CAPN15: variants seen among roughly 807,000 people sequenced by gnomAD.
The protein encoded by CAPN15 is calpain 15, also known as calpain-15.
A neutral mutation model predicts 97.9 loss-of-function variants in CAPN15; 53 were observed. The ratio of observed to expected loss-of-function variants is 0.54; its 90% CI spans 0.43 to 0.68. CAPN15 has a LOEUF of 0.68. Among genes scored for constraint, CAPN15 ranks in the 30% least tolerant of loss-of-function variants. CAPN15 has a pLI of 0.00. For synonymous variants in CAPN15, 922 were observed against 722.5 expected, an observed-to-expected ratio of 1.28 and a Z score of -4.43; for missense variants, 1,592 against 1,589.8, an observed-to-expected ratio of 1.00 and a Z score of -0.02.
chr16:553,032 C>T lies in CAPN15; in HGVS notation c.3074C>T (p.Pro1025Leu). ...GSLRTQDSVP[P>L]LHRQVLVILS... is the part of the protein sequence containing the mutation. The stretch of plus-strand genomic sequence containing the variant: ...CTGCGTACCCAGGATAGCGTGCCAC[C>T]CCTGCACAGGTGCGCCCCCGCCCCT... Residue 1025 changes from proline to leucine, a missense_variant, in exon 13 of 14, where the codon CCC becomes CTC. Transcript: ENST00000219611. 1 of 1,569,048 alleles carries T rather than the reference C, an allele frequency of 6.4e-7. No individual in the cohort carries two copies. The highest frequency in any genetic ancestry group is 8.7e-7 in the Non-Finnish European group (1 of 1,149,408).
intron 1 of CAPN15, among the ~76,000 whole-genome samples, chr16:531,930 CT>C (rs1402106459): frequency 2.6e-5 from 4 of 152,276 alleles, no homozygotes; most frequent in Non-Finnish European, 4.4e-5. Context: ...TTGTCTGGTC[CT>C]TTTTTCCTGT....
chr16:546,803 A>G lies in CAPN15; in HGVS notation c.-22-14A>G, dbSNP rs769573778. The G allele has an allele frequency of 3.2e-6, 5 of 1,566,730 alleles. No individual in the cohort carries two copies. Among genetic ancestry groups the G allele is most frequent in the Non-Finnish European group, 4.3e-6 (5 of 1,153,968 alleles). Reference sequence around the variant, plus strand: ...ACCTCACAGGGTGGCCCTGATGAGCACCTTCCCTTGCAGCCACACCCACTC... The same window carrying G: ...ACCTCACAGGGTGGCCCTGATGAGCGCCTTCCCTTGCAGCCACACCCACTC... On this transcript the variant is annotated splice_polypyrimidine_tract_variant and intron_variant, in intron 3 of 13. Transcript: ENST00000219611.
chr16:544,618 G>C (rs117298037), intron 3 of CAPN15, among the ~76,000 whole-genome samples: 1 of 151,932 alleles, frequency 6.6e-6, no homozygotes, highest in Non-Finnish European at 1.5e-5. Flanking sequence ...CGGGTCTTTT[G>C]TGCTGGATTT....
chr16:548,055 C>G lies in CAPN15; in HGVS notation c.1217C>G (p.Ala406Gly). ...CGRVSSAQKAARVLPERPGQW... is the reference protein window; with the variant it reads ...CGRVSSAQKAGRVLPERPGQW... ...CGGGTGTCCTCGGCCCAGAAGGCCG[C>G]CCGCGTCCTGCCCGAGCGCCCGGGC... Residue 406 changes from alanine (A) to glycine (G), a missense_variant, in exon 4 of 14, where the codon GCC (alanine) becomes GGC (glycine). Transcript: ENST00000219611. The G allele has an allele frequency of 6.4e-7, 1 of 1,551,246 alleles. No homozygotes were observed. The highest frequency in any genetic ancestry group is 1.2e-5 in the South Asian group (1 of 84,628).
intron 1 of CAPN15, 50 bp from the exon 2 acceptor site, chr16:533,896 A>C (rs2033458406): frequency 6.4e-6 from 6 of 930,730 alleles, no homozygotes; most frequent in Non-Finnish European, 5.1e-6. Flanking sequence ...CCAGGGTCAG[A>C]GTCCTCCTGG....
rs1280349044 is a variant in CAPN15, at chr16:547,877, G to A, written c.1039G>A (p.Ala347Thr). Reference protein sequence around the residue: ...SSPDFTTWSCAKCTLRNPTVA... With the variant: ...SSPDFTTWSCTKCTLRNPTVA... ...CCCCGACTTCACCACCTGGTCATGT[G>A]CCAAGTGCACGCTCAGAAACCCCAC... is the stretch of plus-strand genomic sequence containing the variant. The change falls in exon 4 of 14, where the codon GCC becomes ACC. Residue 347 changes from alanine to threonine, a missense_variant. Coordinates refer to ENST00000219611, the MANE Select transcript of CAPN15 (RefSeq NM_005632.3). 6.2e-7 allele frequency: 1 copy of A among 1,611,354 alleles called. No individual in the cohort carries two copies. The highest frequency in any genetic ancestry group is 1.7e-5 in the Admixed American group (1 of 59,890).
At chr16:540,036 T>G in intron 3 of CAPN15, 11 of 957,282 alleles carry the variant, frequency 1.1e-5, no homozygotes, top group Non-Finnish European at 1.4e-5. Context: ...ATCATGCTGT[T>G]TCTTCTCTAT....
rs547526059 is a variant in CAPN15 at position 537,311 on chromosome 16, C to T, written c.-23+1169C>T. The T allele has an allele frequency of 4.8e-5, 47 of 985,570 alleles. No individual in the cohort carries two copies. In the South Asian group the frequency reaches 2.1e-3, roughly 44 times the overall value. The allele number at this position is 985,570 out of a possible 1,614,324, so 61.1% of individuals were successfully genotyped here. On this transcript the variant is annotated intron_variant, in intron 3 of 13. Coordinates refer to ENST00000219611, the MANE Select transcript of CAPN15 (RefSeq NM_005632.3). ...GAGCAGGAGGCTGGTGAGCAGCTCGCTTCCTGCCCTGGGTGCAGCTGGGCA... is the reference window on the plus strand; with the variant it reads ...GAGCAGGAGGCTGGTGAGCAGCTCGTTTCCTGCCCTGGGTGCAGCTGGGCA...
intron 3 of CAPN15, chr16:543,310 G>C (rs777223639): frequency 1.3e-5 from 2 of 154,508 alleles, no homozygotes; most frequent in South Asian, 4.1e-4. Flanking sequence ...CGGCAGCCTC[G>C]GGCCACACTC....
intron 7 of CAPN15, among the ~76,000 whole-genome samples, 189 bp from the exon 8 acceptor site, chr16:551,113 C>T (rs550037564): frequency 1.4e-4 from 16 of 115,892 alleles, no homozygotes; most frequent in East Asian, 5.1e-4. Flanking sequence ...GGTCCCCGGT[C>T]GGTGAGGGCC....
Position 548,295 on chromosome 16 carries a change from G to GC in CAPN15, c.1449+13dup. On this transcript the variant is annotated intron_variant, in intron 4 of 13. Transcript: ENST00000219611. ...GTGGCCTTCTGCCGGGAGGTGAGGC[G>GC]CCCCCTCGCCCTCTTCCTGCTCCTG... 1 of 1,462,984 alleles carries GC rather than the reference G, an allele frequency of 6.8e-7. No individual in the cohort carries two copies. The highest frequency in any genetic ancestry group is 1.4e-5 in the South Asian group (1 of 71,416). 90.6% of individuals were successfully genotyped at this position (1,462,984 alleles called of 1,614,324 possible).
intron 2 of CAPN15, among the ~76,000 whole-genome samples, chr16:534,836 G>T (rs547016181): frequency 1.2e-4 from 18 of 152,330 alleles, no homozygotes; most frequent in African/African-American, 4.1e-4. Context: ...TGACACCGGG[G>T]CATCCTTGTT....
Position 548,068 on chromosome 16 carries a change from C to T in CAPN15, c.1230C>T (p.Pro410=), listed in dbSNP as rs779633303. The T allele has an allele frequency of 7.8e-6, 12 of 1,542,458 alleles. No individual in the cohort carries two copies. The highest frequency in any genetic ancestry group is 2.7e-5 in the African/African-American group (2 of 72,928). The part of the protein sequence containing the change: ...SSAQKAARVL[P]ERPGQWACPA... Reference sequence around the variant, plus strand: ...CCCAGAAGGCCGCCCGCGTCCTGCCCGAGCGCCCGGGCCAGTGGGCCTGCC... The same window carrying T: ...CCCAGAAGGCCGCCCGCGTCCTGCCTGAGCGCCCGGGCCAGTGGGCCTGCC... Residue 410 remains proline, a synonymous_variant, in exon 4 of 14, where the codon CCC becomes CCT. Transcript: ENST00000219611.
At position 553,784 on chromosome 16, in the gene CAPN15, C is replaced by T. The variant is rs906793638; in HGVS notation, c.*268C>T. ...TGAACCAGCCCCGCTCACCTGCCAG[C>T]CCCAACACCCGACGGGGGCCGAGGC... On this transcript the variant is annotated 3_prime_UTR_variant, in exon 14 of 14. Transcript: ENST00000219611. 7 of 375,688 alleles carry T rather than the reference C, an allele frequency of 1.9e-5. No individual in the cohort carries two copies. The highest frequency in any genetic ancestry group is 8.3e-5 in the African/African-American group (4 of 47,998). The allele number at this position is 375,688 out of a possible 1,614,324, so 23.3% of individuals were successfully genotyped here.
chr16:529,589 T>G (rs1290073092), intron 1 of CAPN15, among the ~76,000 whole-genome samples: 1 of 152,228 alleles, frequency 6.6e-6, no homozygotes, highest in Non-Finnish European at 1.5e-5. Context: ...ACCACAGGTG[T>G]TGTTCATGGG....
chr16:531,440 A>C (rs1368883831), intron 1 of CAPN15, among the ~76,000 whole-genome samples: 2 of 145,102 alleles, frequency 1.4e-5, no homozygotes, highest in East Asian at 2.0e-4. Context: ...CCCACTCCCT[A>C]CCCCCCACCT....
chr16:528,359 G>C (rs1161089806), intron 1 of CAPN15, among the ~76,000 whole-genome samples: 1 of 152,206 alleles, frequency 6.6e-6, no homozygotes, highest in East Asian at 1.9e-4. Flanking sequence ...AGGCGGCCTC[G>C]GCCCTGCCTG....
rs368119720 is a variant in CAPN15, at chr16:546,850, C to T, written c.12C>T (p.Val4=). Residue 4 remains valine (V), a synonymous_variant, in exon 4 of 14, where the codon GTC becomes GTT. Transcript: ENST00000219611. ...ACTCGCCCGGGTCTATGGCCACGGTCGGAGAGTGGTCCTGTGTGCGCTGCA... is the reference window on the plus strand; with the variant it reads ...ACTCGCCCGGGTCTATGGCCACGGTTGGAGAGTGGTCCTGTGTGCGCTGCA... MAT[V]GEWSCVRCTF... 15 of 1,607,410 alleles carry T rather than the reference C, an allele frequency of 9.3e-6. No homozygotes were observed. The highest frequency in any genetic ancestry group is 3.4e-5 in the Admixed American group (2 of 59,674).
chr16:533,729 GCCTGCTGAGCC>G (rs1266994310), intron 1 of CAPN15, among the ~76,000 whole-genome samples: 1 of 152,220 alleles, frequency 6.6e-6, no homozygotes, highest in Non-Finnish European at 1.5e-5. Flanking sequence ...GTAGTGAGGA[GCCTGCTGAGCC>G]CCTGCTGCTC....
Sources: gnomAD v4.1 joint callset for allele counts (sites outside exome capture counted in the v4.1 genomes callset) on GRCh38, gnomAD v4.1.1 for gene constraint, MANE v1.5 for transcripts, NCBI Gene and HGNC (gene_info 2026-07-23, HGNC 2026-07-21) for gene names.